The following ZBTB7C variants were observed in gnomAD, a reference collection of about 807,000 sequenced individuals.
ZBTB7C encodes zinc finger and BTB domain-containing protein 7C.
In ZBTB7C, 8 loss-of-function variants were observed where a neutral mutation model predicts 25.7. The observed-to-expected ratio is 0.31, with a 90% CI of 0.18 to 0.56. The LOEUF is 0.56. Among genes scored for constraint, ZBTB7C ranks in the 20% least tolerant of loss-of-function variants. ZBTB7C has a pLI of 0.91. For missense variants in ZBTB7C, 824 were observed against 855.2 expected, an observed-to-expected ratio of 0.96 and a Z score of 0.46; for synonymous variants, 394 against 369.0, an observed-to-expected ratio of 1.07 and a Z score of -0.78.
Position 48,161,859 on chromosome 18 carries a change from C to T in ZBTB7C, c.-17+24075G>A, listed in dbSNP as rs1326092260. On this transcript the variant is annotated intron_variant, in intron 3 of 4. Coordinates refer to ENST00000590800, the MANE Select transcript of ZBTB7C (RefSeq NM_001318841.2). ...ATCGCCCTCCTCCCGGGCGCCCCTC[C>T]CCGCGGCCGCAGCCTGTTTCCCGGG... Among the ~76,000 whole-genome samples, 15 of 152,084 alleles carry T rather than the reference C, an allele frequency of 9.9e-5. No homozygotes were observed. The South Asian group carries it at 2.7e-3, about 27-fold the overall frequency.
At chr18:48,109,993 A>C (rs553690341) in intron 3 of ZBTB7C, among the ~76,000 whole-genome samples, 1 of 152,174 alleles carries the variant, frequency 6.6e-6, no homozygotes, top group South Asian at 2.1e-4. Flanking sequence ...AGGCATAGAG[A>C]GGTGGAGTGA....
chr18:48,053,732 GAA>G (rs1415294465), intron 3 of ZBTB7C, among the ~76,000 whole-genome samples: 2 of 152,206 alleles, frequency 1.3e-5, no homozygotes, highest in African/African-American at 2.4e-5. Flanking sequence ...AAACATGGAT[GAA>G]AGAGATGGAG....
chr18:48,027,191 A>G lies in ZBTB7C; in HGVS notation c.*2069T>C, dbSNP rs140643265. 10 of 151,948 alleles carry G rather than the reference A, an allele frequency of 6.6e-5. No individual in the cohort carries two copies. Among genetic ancestry groups the G allele is most frequent in the Non-Finnish European group, 1.2e-4 (8 of 67,988 alleles). The allele number at this position is 151,948 out of a possible 1,614,324, so 9.4% of individuals were successfully genotyped here. A position where few individuals can be genotyped will look rare whatever the true frequency, so the allele number is the denominator to read the frequency against. ...ATTTGCTTCAAGTTCTTGATCATAC[A>G]GTACTCAACATCTTTGGATATTTTA... On this transcript the variant is annotated 3_prime_UTR_variant, in exon 5 of 5. Coordinates refer to ENST00000590800, the MANE Select transcript of ZBTB7C (RefSeq NM_001318841.2).
At position 48,285,847 on chromosome 18, in the gene ZBTB7C, G is replaced by T. The variant is rs183328631; in HGVS notation, c.-79+52327C>A. 2.3e-3 allele frequency among the ~76,000 whole-genome samples: 349 copies of T among 151,864 alleles called. 2 individuals carry two copies. The highest frequency in any genetic ancestry group is 8.1e-3 in the African/African-American group (334 of 41,404). ...ATTTTTTTTATTTTTGTTTTTGTTT[G>T]TTTGTTGCTCCTGGTCCTTGGAAGA... On this transcript the variant is annotated intron_variant, in intron 2 of 4. Transcript: ENST00000590800.
chr18:48,250,313 G>A (rs2043811434), intron 2 of ZBTB7C, among the ~76,000 whole-genome samples: 1 of 152,098 alleles, frequency 6.6e-6, no homozygotes, highest in African/African-American at 2.4e-5. Flanking sequence ...TGATCTTTCT[G>A]CTAGATCCTA....
At chr18:48,112,558 G>T (rs1412211240) in intron 3 of ZBTB7C, among the ~76,000 whole-genome samples, 1 of 152,074 alleles carries the variant, frequency 6.6e-6, no homozygotes, top group African/African-American at 2.4e-5. Context: ...ATGTTGGCCA[G>T]GCTAGTCTTG....
chr18:48,367,660 C>G (rs1249406138), intron 1 of ZBTB7C, among the ~76,000 whole-genome samples: 3 of 152,042 alleles, frequency 2.0e-5, no homozygotes, highest in Non-Finnish European at 4.4e-5. Flanking sequence ...CCAGGAAACA[C>G]TGCGGCCCAC....
At chr18:48,058,078 C>T (rs951406518) in intron 3 of ZBTB7C, among the ~76,000 whole-genome samples, 2 of 152,170 alleles carry the variant, frequency 1.3e-5, no homozygotes, top group African/African-American at 2.4e-5. Flanking sequence ...TAGGAAGAGC[C>T]GTGATGTTGT....
intron 2 of ZBTB7C, among the ~76,000 whole-genome samples, chr18:48,269,395 C>T (rs1184612808): frequency 2.0e-5 from 3 of 152,294 alleles, no homozygotes; most frequent in South Asian, 2.1e-4. Context: ...ACCTAATCAC[C>T]GTCCAAAAGC....
At chr18:48,388,036 A>T (rs1264154823) in intron 1 of ZBTB7C, among the ~76,000 whole-genome samples, 1 of 152,182 alleles carries the variant, frequency 6.6e-6, no homozygotes, top group African/African-American at 2.4e-5. Flanking sequence ...CATGTTGGCC[A>T]GGCTGGTCTC....
chr18:48,039,002 C>T (rs1232525239), intron 4 of ZBTB7C, among the ~76,000 whole-genome samples: 1 of 152,172 alleles, frequency 6.6e-6, no homozygotes, highest in African/African-American at 2.4e-5. Flanking sequence ...CCAAAGCTGG[C>T]AGTGGGCAGA....
At chr18:48,152,678 G>C (rs1008553856) in intron 3 of ZBTB7C, among the ~76,000 whole-genome samples, 3 of 152,258 alleles carry the variant, frequency 2.0e-5, no homozygotes, top group Non-Finnish European at 4.4e-5. Flanking sequence ...CAGAGGCAAA[G>C]ATAAAGTCTT....
At chr18:48,389,705 G>T (rs1031790896) in intron 1 of ZBTB7C, among the ~76,000 whole-genome samples, 1 of 152,072 alleles carries the variant, frequency 6.6e-6, no homozygotes, top group South Asian at 2.1e-4. Flanking sequence ...GTGCAGTGAG[G>T]CTCTCCCTGA....
chr18:48,090,738 C>T (rs897621502), intron 3 of ZBTB7C, among the ~76,000 whole-genome samples: 2 of 148,450 alleles, frequency 1.3e-5, no homozygotes, highest in African/African-American at 5.3e-5. Flanking sequence ...CTGCTCCCCA[C>T]TGTGCTGGAC....
At chr18:48,154,732 T>C (rs990452311) in intron 3 of ZBTB7C, among the ~76,000 whole-genome samples, 22 of 152,210 alleles carry the variant, frequency 1.4e-4, no homozygotes, top group African/African-American at 4.6e-4. Context: ...CATCCCATAA[T>C]GCACTCGCCC....
intron 3 of ZBTB7C, among the ~76,000 whole-genome samples, chr18:48,098,939 GA>G (rs1233372799): frequency 6.6e-6 from 1 of 152,200 alleles, no homozygotes; most frequent in Admixed American, 6.5e-5. Context: ...GCAAAGCCAG[GA>G]GACAAAGAAA....
chr18:48,030,981 G>A (rs1031543913), intron 4 of ZBTB7C, among the ~76,000 whole-genome samples: 3 of 152,230 alleles, frequency 2.0e-5, no homozygotes, highest in African/African-American at 4.8e-5. Flanking sequence ...GGCCATAGGG[G>A]CCAGGAAGCT....
chr18:48,070,388 A>T (rs1260338234), intron 3 of ZBTB7C, among the ~76,000 whole-genome samples: 3 of 152,210 alleles, frequency 2.0e-5, no homozygotes, highest in African/African-American at 7.2e-5. Flanking sequence ...TGTGAAAGTC[A>T]TTCAGATACT....
At chr18:48,120,209 G>T (rs8083469) in intron 3 of ZBTB7C, among the ~76,000 whole-genome samples, 23,487 of 152,176 alleles carry the variant, frequency 0.15, 1,943 homozygotes, top group South Asian at 0.23. Flanking sequence ...CTTACTTATG[G>T]TTTAAAAGAT....
Sources: gnomAD v4.1 joint callset for allele counts (sites outside exome capture counted in the v4.1 genomes callset) on GRCh38, gnomAD v4.1.1 for gene constraint, MANE v1.5 for transcripts, NCBI Gene and HGNC (gene_info 2026-07-23, HGNC 2026-07-21) for gene names.